The following AKR1B15 variants were observed in gnomAD, a reference collection of about 807,000 sequenced individuals.
The protein encoded by AKR1B15 is aldo-keto reductase family 1 member B15, also known as estradiol 17-beta-dehydrogenase AKR1B15.
Under a neutral mutation model 38.5 loss-of-function variants are expected in AKR1B15, and 49 were observed. The ratio of observed to expected loss-of-function variants is 1.27; its 90% CI spans 1.01 to 1.62. AKR1B15 has a LOEUF of 1.62. AKR1B15 is among the 40% of genes most tolerant of loss of function. The pLI, the probability that AKR1B15 is intolerant of heterozygous loss-of-function variation, is 0.00. For synonymous variants in AKR1B15, 137 were observed against 135.5 expected (o/e 1.01, Z -0.08); for missense variants, 411 against 381.6 (o/e 1.08, Z -0.64).
At chr7:134,568,865 G>GA (rs35715276) in intron 4 of AKR1B15, among the ~76,000 whole-genome samples, 137,402 of 148,776 alleles carry the variant, frequency 0.92, 63,434 homozygotes, top group East Asian at 0.98. Flanking sequence ...GCAAGTTGCT[G>GA]AAAAAAAAAA....
rs373928139 is a variant in AKR1B15, at chr7:134,569,413, G to A, written c.319G>A (p.Val107Met). ...TAGCTCATTGCTACACTCTTTGCAG[G>A]TGTGGCCCACTTTCTTTGAGAGACC... ...MREDLFIVSK[V>M]WPTFFERPLV... The change falls in exon 5 of 12, where the codon GTG becomes ATG. Residue 107 changes from valine (V) to methionine (M), a missense_variant and splice_region_variant. Coordinates refer to ENST00000457545, the MANE Select transcript of AKR1B15 (RefSeq NM_001080538.3). The A allele has an allele frequency of 8.7e-6, 14 of 1,614,020 alleles. No homozygotes were observed. Among genetic ancestry groups the A allele is most frequent in the Non-Finnish European group, 1.0e-5 (12 of 1,179,934 alleles).
rs76258053 is a variant in AKR1B15 at position 134,558,236 on chromosome 7, T to C, written c.-23+1377T>C. On this transcript the variant is annotated intron_variant, in intron 2 of 11. Coordinates refer to ENST00000457545, the MANE Select transcript of AKR1B15 (RefSeq NM_001080538.3). ...AGCTAATAAGCAGGATCTAAGGAAA[T>C]TGCGCCTTGGTGGAAGAAATCCAGC... 6.0e-4 allele frequency among the ~76,000 whole-genome samples: 91 copies of C among 152,264 alleles called. No homozygotes were observed. In the East Asian group the frequency reaches 0.014, roughly 24 times the overall value.
intron 1 of AKR1B15, among the ~76,000 whole-genome samples, chr7:134,554,240 T>G (rs1794109158): frequency 2.6e-5 from 4 of 152,184 alleles, no homozygotes; most frequent in South Asian, 2.1e-4. Context: ...GAGCAGACTC[T>G]GCAGCTTGAG....
At chr7:134,551,061 C>G (rs181864619) in intron 1 of AKR1B15, among the ~76,000 whole-genome samples, 36 of 152,296 alleles carry the variant, frequency 2.4e-4, no homozygotes, top group Non-Finnish European at 3.8e-4. Context: ...TCCTTTTTAG[C>G]CAGACCTCAC....
At chr7:134,561,994 C>A (rs1416100052) in intron 2 of AKR1B15, among the ~76,000 whole-genome samples, 1 of 152,164 alleles carries the variant, frequency 6.6e-6, no homozygotes, top group African/African-American at 2.4e-5. Flanking sequence ...TGCTTTCTCT[C>A]TTTCTTTTAC....
At chr7:134,564,109 G>T (rs1030488636) in intron 2 of AKR1B15, among the ~76,000 whole-genome samples, 2 of 152,176 alleles carry the variant, frequency 1.3e-5, no homozygotes, top group Non-Finnish European at 2.9e-5. Flanking sequence ...AAGTCCGTCA[G>T]CACAGAGCCA....
chr7:134,560,155 C>G (rs1794340774), intron 2 of AKR1B15, among the ~76,000 whole-genome samples: 1 of 151,976 alleles, frequency 6.6e-6, no homozygotes, highest in Admixed American at 6.6e-5. Context: ...CAAATCCCCT[C>G]AAGAGGTGAA....
chr7:134,572,159 A>G (rs1345707234), intron 6 of AKR1B15, among the ~76,000 whole-genome samples: 2 of 152,214 alleles, frequency 1.3e-5, no homozygotes, highest in African/African-American at 4.8e-5. Flanking sequence ...CCATGTAATC[A>G]TCTAACCCTA....
chr7:134,569,065 C>A (rs1416872648), intron 4 of AKR1B15, among the ~76,000 whole-genome samples: 1 of 152,164 alleles, frequency 6.6e-6, no homozygotes, highest in East Asian at 1.9e-4. Flanking sequence ...GAATGCTTGA[C>A]ATTTAAAAGC....
intron 5 of AKR1B15, among the ~76,000 whole-genome samples, chr7:134,571,324 T>C (rs1794662769): frequency 6.6e-6 from 1 of 152,194 alleles, no homozygotes; most frequent in Non-Finnish European, 1.5e-5. Context: ...AGGATGTAGG[T>C]GTGTGAGGTT....
rs539605682 is a variant in AKR1B15, at chr7:134,569,543, C to T, written c.435+14C>T. On this transcript the variant is annotated intron_variant, in intron 5 of 11. Transcript: ENST00000457545. ...CAGGGATTCAAGGTTTGAGTGACTC[C>T]CTTTCTCAGCCTCTAGTTTCTGAGC... is the stretch of plus-strand genomic sequence containing the variant. 3.1e-6 allele frequency: 5 copies of T among 1,613,364 alleles called. No individual in the cohort carries two copies. Among genetic ancestry groups the T allele is most frequent in the African/African-American group, 2.7e-5 (2 of 75,030 alleles).
chr7:134,571,175 C>A (rs937551540), intron 5 of AKR1B15, among the ~76,000 whole-genome samples: 31 of 152,298 alleles, frequency 2.0e-4, no homozygotes, highest in African/African-American at 7.5e-4. Context: ...GTGATGATGG[C>A]CTGCCATCCC....
At chr7:134,551,980 G>C (rs867032534) in intron 1 of AKR1B15, among the ~76,000 whole-genome samples, 1 of 152,130 alleles carries the variant, frequency 6.6e-6, no homozygotes, top group Non-Finnish European at 1.5e-5. Context: ...CAGCCTGTAC[G>C]CTTCCTAATT....
intron 2 of AKR1B15, 76 bp from the exon 3 acceptor site, chr7:134,564,522 C>A (rs1794489068): frequency 1.8e-6 from 1 of 561,726 alleles, no homozygotes; most frequent in Non-Finnish European, 3.2e-6. Flanking sequence ...TTTCTAGGTC[C>A]CATGAAAGCC....
intron 8 of AKR1B15, 60 bp downstream of exon 8, chr7:134,575,987 T>G: frequency 4.4e-6 from 7 of 1,576,180 alleles, no homozygotes; most frequent in Non-Finnish European, 6.0e-6. Context: ...ATTTTATAAT[T>G]GGTAAATGTC....
Position 134,577,021 on chromosome 7 carries a change from C to T in AKR1B15, c.884C>T (p.Pro295Leu), listed in dbSNP as rs376011585. 55 of 1,613,796 alleles carry T rather than the reference C, an allele frequency of 3.4e-5. No individual in the cohort carries two copies. In the African/African-American group the frequency reaches 6.8e-4, roughly 20 times the overall value. The change falls in exon 10 of 12, where the codon CCA becomes CTA. Residue 295 changes from proline (P) to leucine (L), a missense_variant. Physicochemically the swap from Pro to Leu is moderately conservative, Grantham distance 98 (BLOSUM62 -3). Coordinates refer to ENST00000457545, the MANE Select transcript of AKR1B15 (RefSeq NM_001080538.3). ...NVTVIPKSMT[P>L]AHIVENIQVF... ...ACAGTGATCCCCAAGTCTATGACACCAGCACACATTGTTGAGAACATTCAG... is the reference window on the plus strand; with the variant it reads ...ACAGTGATCCCCAAGTCTATGACACTAGCACACATTGTTGAGAACATTCAG...
At chr7:134,549,546 T>TGA (rs1483345183) in intron 1 of AKR1B15, among the ~76,000 whole-genome samples, 1 of 152,110 alleles carries the variant, frequency 6.6e-6, no homozygotes, top group Non-Finnish European at 1.5e-5. Flanking sequence ...AGCTCCAGGG[T>TGA]GAAAGCTAGG....
chr7:134,575,583 T>C, intron 7 of AKR1B15, 41 bp downstream of exon 7: 1 of 1,611,690 alleles, frequency 6.2e-7, no homozygotes, highest in Non-Finnish European at 8.5e-7. Flanking sequence ...CCTGCCCTAT[T>C]ACTTCTTAAA....
rs578005778 is a variant in AKR1B15 at position 134,571,315 on chromosome 7, G to T, written c.436-289G>T. Among the ~76,000 whole-genome samples the T allele has an allele frequency of 3.9e-5, 6 of 152,306 alleles. No homozygotes were observed. The South Asian group carries it at 1.2e-3, about 32-fold the overall frequency. ...GAAAGTTTGCCCTTGGGTGTGTATA[G>T]GATGTAGGTGTGTGAGGTTAATGTC... On this transcript the variant is annotated intron_variant, in intron 5 of 11. Coordinates refer to ENST00000457545, the MANE Select transcript of AKR1B15 (RefSeq NM_001080538.3).
Sources: gnomAD v4.1 joint callset for allele counts (sites outside exome capture counted in the v4.1 genomes callset) on GRCh38, gnomAD v4.1.1 for gene constraint, MANE v1.5 for transcripts, NCBI Gene and HGNC (gene_info 2026-07-23, HGNC 2026-07-21) for gene names.